Variants in PTPRN2 observed in about 807,000 individuals in gnomAD.
PTPRN2 encodes the protein protein tyrosine phosphatase receptor type N2.
Under a neutral mutation model 118.8 loss-of-function variants are expected in PTPRN2, and 74 were observed. The ratio of observed to expected loss-of-function variants is 0.62; its 90% CI spans 0.52 to 0.76. The LOEUF is 0.76. PTPRN2 is among the 30% of genes least tolerant of loss of function. PTPRN2 has a pLI of 0.00. For synonymous variants in PTPRN2, 641 were observed against 608.0 expected, an observed-to-expected ratio of 1.05 and a Z score of -0.80; for missense variants, 1,481 against 1,394.4, an observed-to-expected ratio of 1.06 and a Z score of -0.99.
intron 11 of PTPRN2, among the ~76,000 whole-genome samples, chr7:157,976,815 G>T (rs12534844): frequency 6.6e-6 from 1 of 151,900 alleles, no homozygotes; most frequent in Non-Finnish European, 1.5e-5. Context: ...ATGTTGTCTT[G>T]TTGATATTAA....
chr7:158,334,565 C>CTG (rs1563160590), intron 2 of PTPRN2, among the ~76,000 whole-genome samples: 7 of 96,980 alleles, frequency 7.2e-5, no homozygotes, highest in African/African-American at 2.6e-4. Context: ...ACCATAAGAG[C>CTG]TCTCGCCCAC....
At chr7:158,028,695 A>G (rs1480811087) in intron 11 of PTPRN2, 1 of 152,292 alleles carries the variant, frequency 6.6e-6, no homozygotes, top group East Asian at 1.9e-4. Flanking sequence ...TAGTGGCCTT[A>G]GGAAGAAGGC....
intron 22 of PTPRN2, among the ~76,000 whole-genome samples, chr7:157,541,056 T>G (rs898125745): frequency 6.6e-6 from 1 of 152,218 alleles, no homozygotes; most frequent in Admixed American, 6.5e-5. Context: ...TCTTTCCCCC[T>G]GCGGGGAGAA....
At chr7:158,527,782 G>A (rs1824900758) in intron 1 of PTPRN2, among the ~76,000 whole-genome samples, 2 of 152,138 alleles carry the variant, frequency 1.3e-5, no homozygotes, top group African/African-American at 4.8e-5. Flanking sequence ...CTGGGGCCAG[G>A]CTGTCCTCCG....
At chr7:157,826,707 C>G (rs938224839) in intron 12 of PTPRN2, among the ~76,000 whole-genome samples, 1 of 152,146 alleles carries the variant, frequency 6.6e-6, no homozygotes, top group Non-Finnish European at 1.5e-5. Context: ...CTCAGCGGAG[C>G]CTGGCGGGGA....
chr7:158,474,094 G>A (rs1030145331), intron 2 of PTPRN2, among the ~76,000 whole-genome samples: 2 of 152,170 alleles, frequency 1.3e-5, no homozygotes, highest in Admixed American at 6.5e-5. Flanking sequence ...CAGCCCTGGC[G>A]CTGGGCGGGT....
intron 15 of PTPRN2, among the ~76,000 whole-genome samples, chr7:157,614,852 C>T (rs894407629): frequency 2.6e-5 from 4 of 152,238 alleles, no homozygotes; most frequent in East Asian, 1.9e-4. Context: ...CATCCTGGAC[C>T]GCAGCCTCCG....
chr7:158,548,647 T>C (rs573287431), intron 1 of PTPRN2, among the ~76,000 whole-genome samples: 1 of 152,372 alleles, frequency 6.6e-6, no homozygotes, highest in East Asian at 1.9e-4. Flanking sequence ...GTGCCTTTTA[T>C]GATAAAGGTG....
At chr7:158,131,282 T>A (rs1818248059) in intron 9 of PTPRN2, among the ~76,000 whole-genome samples, 1 of 150,328 alleles carries the variant, frequency 6.7e-6, no homozygotes, top group South Asian at 2.1e-4. Context: ...CACAAATACC[T>A]GAACAGATGC....
At chr7:157,909,391 G>T (rs1056340434) in intron 11 of PTPRN2, among the ~76,000 whole-genome samples, 1 of 152,216 alleles carries the variant, frequency 6.6e-6, no homozygotes, top group African/African-American at 2.4e-5. Context: ...TACACTGGGG[G>T]GGGGAGGATG....
chr7:158,160,576 T>C (rs1283466565), intron 6 of PTPRN2, among the ~76,000 whole-genome samples: 2 of 152,224 alleles, frequency 1.3e-5, no homozygotes, highest in African/African-American at 2.4e-5. Context: ...AGATACAATT[T>C]CTTGAGATCT....
intron 5 of PTPRN2, among the ~76,000 whole-genome samples, chr7:158,176,383 T>G (rs918997218): frequency 6.6e-6 from 1 of 152,128 alleles, no homozygotes; most frequent in Non-Finnish European, 1.5e-5. Context: ...GGTACAGACA[T>G]GATTACCCAC....
intron 2 of PTPRN2, among the ~76,000 whole-genome samples, chr7:158,425,748 C>G: frequency 1.1e-5 from 1 of 87,074 alleles, no homozygotes. Flanking sequence ...GCCTGCGCAC[C>G]GCCGGGAAAG....
At chr7:158,491,830 C>T (rs1195894474) in intron 1 of PTPRN2, among the ~76,000 whole-genome samples, 1 of 152,166 alleles carries the variant, frequency 6.6e-6, no homozygotes, top group Non-Finnish European at 1.5e-5. Flanking sequence ...TCAGCTAACC[C>T]CACATTCAGT....
At chr7:157,542,526 A>G (rs1470486680) in intron 22 of PTPRN2, among the ~76,000 whole-genome samples, 2 of 150,936 alleles carry the variant, frequency 1.3e-5, no homozygotes, top group Non-Finnish European at 2.9e-5. Flanking sequence ...CTAATCCTGC[A>G]GAGCTGCCCA....
In PTPRN2 at chr7:158,015,847, C is replaced by G. The variant is rs1323088622; in HGVS notation, c.1723+65451G>C. Among the ~76,000 whole-genome samples, 3 of 152,152 alleles carry G rather than the reference C, an allele frequency of 2.0e-5. No homozygotes were observed. The highest frequency in any genetic ancestry group is 4.4e-5 in the Non-Finnish European group (3 of 68,042). ...CTAGTAATTAAGACAAAAATAGACA[C>G]GGAAGCCGCGATCGAGGAGGAGGGG... On this transcript the variant is annotated intron_variant, in intron 11 of 22. Transcript: ENST00000389418. The surrounding 1 kb of genome is among the most constrained non-coding windows in gnomAD (Gnocchi z 4.2).
In PTPRN2 at chr7:158,205,085, AAAACAAACAAAC is replaced by A. The variant is rs576383461; in HGVS notation, c.380+74_380+85del. ...AAGATGGTGGGTGCTTTGCTACATT[AAAACAAACAAAC>A]AAACAAATAATAAGTGTAATGGCTA... On this transcript the variant is annotated intron_variant, in intron 4 of 22. Transcript: ENST00000389418. 5.9e-6 allele frequency: 7 copies of A among 1,182,508 alleles called. No homozygotes were observed. The East Asian group carries it at 1.7e-4, about 28-fold the overall frequency. 73.3% of individuals were successfully genotyped at this position (1,182,508 alleles called of 1,614,324 possible).
rs147161352 is a variant in PTPRN2 at position 158,056,960 on chromosome 7, T to C, written c.1723+24338A>G. ...GGCTCACAATGTCGCCCTTATCCGA[T>C]GATCAGCCACCTCGGATGTGTCCAT... On this transcript the variant is annotated intron_variant, in intron 11 of 22. Coordinates refer to ENST00000389418, the MANE Select transcript of PTPRN2 (RefSeq NM_002847.5). Among the ~76,000 whole-genome samples, 524 of 152,314 alleles carry C rather than the reference T, an allele frequency of 3.4e-3. 3 individuals carry two copies. The highest frequency in any genetic ancestry group is 6.5e-3 in the Non-Finnish European group (445 of 68,026).
rs904344766 is a variant in PTPRN2, at chr7:157,615,409, G to C, written c.2344+5953C>G. ...TTCAGCCCCAGCTCTGTCCCTGTGT[G>C]AATCTCAGGGCTGTTTCGAGGATGA... On this transcript the variant is annotated intron_variant, in intron 15 of 22. Transcript: ENST00000389418. This position sits in a 1 kb window ranked among gnomAD's most constrained non-coding sequence, Gnocchi z 4.3. The C allele has an allele frequency of 6.4e-6, 3 of 470,714 alleles. No homozygotes were observed. Among genetic ancestry groups the C allele is most frequent in the African/African-American group, 6.0e-5 (3 of 50,084 alleles). 29.2% of individuals were successfully genotyped at this position (470,714 alleles called of 1,614,324 possible).
Sources: gnomAD v4.1 joint callset for allele counts (sites outside exome capture counted in the v4.1 genomes callset) on GRCh38, gnomAD v4.1.1 for gene constraint, Gnocchi (gnomAD v3.1) non-coding constraint, MANE v1.5 for transcripts, NCBI Gene and HGNC (gene_info 2026-07-23, HGNC 2026-07-21) for gene names.